Variants in FHOD3 observed in about 807,000 individuals in gnomAD.
FHOD3 encodes FH1/FH2 domain-containing protein 3.
In FHOD3, 90 loss-of-function variants were observed where a neutral mutation model predicts 173.0. The observed-to-expected ratio is 0.52, with a 90% confidence interval of 0.44 to 0.62. FHOD3 has a LOEUF of 0.62. Ranked by LOEUF, FHOD3 falls within the 20% of genes least tolerant of loss-of-function variation. The pLI, the probability that FHOD3 is intolerant of heterozygous loss-of-function variation, is 0.00. For synonymous variants in FHOD3, 828 were observed against 823.0 expected (o/e 1.01, Z -0.10); for missense variants, 1,945 against 2,034.7 (o/e 0.96, Z 0.85).
intron 25 of FHOD3, among the ~76,000 whole-genome samples, chr18:36,758,113 A>G (rs1214929443): frequency 6.6e-6 from 1 of 152,224 alleles, no homozygotes; most frequent in Non-Finnish European, 1.5e-5. Context: ...CCCAGGTTAT[A>G]TAAATAAACT....
intron 5 of FHOD3, among the ~76,000 whole-genome samples, 167 bp from the exon 6 acceptor site, chr18:36,576,284 C>T (rs1196286598): frequency 1.3e-5 from 2 of 152,212 alleles, no homozygotes; most frequent in African/African-American, 2.4e-5. Context: ...GACACTTTCT[C>T]TCTGAAATGA....
chr18:36,698,706 G>A (rs1398557605), intron 17 of FHOD3, among the ~76,000 whole-genome samples: 1 of 152,198 alleles, frequency 6.6e-6, no homozygotes. Context: ...GTAAGCTAAT[G>A]TGCTGCCTTG....
chr18:36,346,062 G>T (rs555895917), intron 1 of FHOD3, among the ~76,000 whole-genome samples: 19 of 152,236 alleles, frequency 1.2e-4, no homozygotes, highest in African/African-American at 4.6e-4. Context: ...GACATAACAC[G>T]TTAAAAACAA....
chr18:36,374,854 A>T (rs1598883941), intron 3 of FHOD3, among the ~76,000 whole-genome samples: 1 of 149,676 alleles, frequency 6.7e-6, no homozygotes, highest in African/African-American at 2.4e-5. Context: ...GTATTTTTTT[A>T]TGTATTGTTT....
chr18:36,379,298 G>C (rs2047617364), intron 3 of FHOD3, among the ~76,000 whole-genome samples: 1 of 152,214 alleles, frequency 6.6e-6, no homozygotes, highest in Admixed American at 6.5e-5. Flanking sequence ...AATGTGAATT[G>C]AATCACAGGA....
intron 19 of FHOD3, among the ~76,000 whole-genome samples, chr18:36,721,926 A>G (rs896176310): frequency 4.6e-5 from 7 of 152,262 alleles, no homozygotes; most frequent in Non-Finnish European, 8.8e-5. Context: ...AAGTAACATT[A>G]GACCAGAGTT....
At chr18:36,590,663 T>C (rs1043345764) in intron 6 of FHOD3, among the ~76,000 whole-genome samples, 4 of 152,060 alleles carry the variant, frequency 2.6e-5, no homozygotes, top group Non-Finnish European at 4.4e-5. Flanking sequence ...AAACCTAAAA[T>C]TATGCATCAG....
At chr18:36,422,992 C>A (rs537757408) in intron 3 of FHOD3, among the ~76,000 whole-genome samples, 9 of 152,180 alleles carry the variant, frequency 5.9e-5, no homozygotes, top group African/African-American at 1.9e-4. Flanking sequence ...CAGAGTGCTC[C>A]TGTTGTCTCC....
intron 3 of FHOD3, among the ~76,000 whole-genome samples, chr18:36,435,040 ATATT>A (rs998450542): frequency 1.3e-5 from 2 of 151,506 alleles, no homozygotes; most frequent in African/African-American, 4.8e-5. Flanking sequence ...TGGTCAATGT[ATATT>A]AATTTATTTG....
intron 18 of FHOD3, among the ~76,000 whole-genome samples, chr18:36,712,964 A>C (rs1361177984): frequency 2.6e-5 from 4 of 152,344 alleles, no homozygotes; most frequent in African/African-American, 9.6e-5. Flanking sequence ...AAGGGGCGCA[A>C]CATTTTGCAA....
intron 4 of FHOD3, among the ~76,000 whole-genome samples, chr18:36,502,960 T>A (rs2146081508): frequency 6.6e-6 from 1 of 152,324 alleles, no homozygotes; most frequent in South Asian, 2.1e-4. Context: ...ATTGGATGAA[T>A]AAAACACAAG....
intron 1 of FHOD3, among the ~76,000 whole-genome samples, chr18:36,320,898 A>G (rs1394750989): frequency 6.6e-6 from 1 of 152,222 alleles, no homozygotes; most frequent in Non-Finnish European, 1.5e-5. Context: ...CCTGAACTTC[A>G]GGGAGCTTAG....
At chr18:36,742,944 TC>T in intron 22 of FHOD3, 88 bp downstream of exon 22, 2 of 1,500,866 alleles carry the variant, frequency 1.3e-6, no homozygotes, top group Non-Finnish European at 1.8e-6. Context: ...TACCTCAGGT[TC>T]CCCAAAGCAC....
chr18:36,628,457 A>G (rs1446065968), intron 10 of FHOD3, among the ~76,000 whole-genome samples: 1 of 152,234 alleles, frequency 6.6e-6, no homozygotes, highest in Non-Finnish European at 1.5e-5. Context: ...AAATTCAAAG[A>G]CTTGGAGAGA....
At position 36,576,578 on chromosome 18, in the gene FHOD3, A is replaced by G. The variant is rs142815598; in HGVS notation, c.606+33A>G. 6.1e-5 allele frequency: 93 copies of G among 1,518,334 alleles called. No individual in the cohort carries two copies. In the East Asian group the frequency reaches 2.0e-3, roughly 33 times the overall value. 94.1% of individuals were successfully genotyped at this position (1,518,334 alleles called of 1,614,324 possible). On this transcript the variant is annotated intron_variant, in intron 6 of 28. Coordinates refer to ENST00000590592, the MANE Select transcript of FHOD3 (RefSeq NM_001281740.3). The stretch of plus-strand genomic sequence containing the variant: ...GAAGTTATGGTTGACTGTTTTGTTC[A>G]CTTGTCATATCACTTGCCTTTCTTT...
rs373436846 is a variant in FHOD3 at position 36,755,262 on chromosome 18, G to A, written c.4376G>A (p.Arg1459Gln). ...RERVLQQKQK[R>Q]ANHRERNKTR... ...AGGGTTTTGCAGCAGAAACAGAAAC[G>A]GGCCAACCACAGAGAGAGAAATAAG... Residue 1459 changes from arginine (R) to glutamine (Q), a missense_variant, in exon 25 of 29, where the codon CGG (arginine) becomes CAG (glutamine). Transcript: ENST00000590592. 9.7e-5 allele frequency: 156 copies of A among 1,610,452 alleles called. No individual in the cohort carries two copies. The highest frequency in any genetic ancestry group is 1.3e-4 in the Non-Finnish European group (149 of 1,178,274).
chr18:36,633,832 CTGTT>C (rs111952038), intron 10 of FHOD3, among the ~76,000 whole-genome samples: 8 of 152,298 alleles, frequency 5.3e-5, no homozygotes, highest in South Asian at 2.1e-4. Flanking sequence ...TTTTTAGTCA[CTGTT>C]TGATTTTGAT....
intron 1 of FHOD3, among the ~76,000 whole-genome samples, chr18:36,316,933 C>A (rs1197968143): frequency 6.8e-6 from 1 of 146,942 alleles, no homozygotes; most frequent in African/African-American, 2.5e-5. Flanking sequence ...TCCATGTGTA[C>A]TCATTGTTCA....
intron 9 of FHOD3, among the ~76,000 whole-genome samples, chr18:36,622,023 G>T (rs1416003520): frequency 2.0e-5 from 3 of 152,184 alleles, no homozygotes; most frequent in Non-Finnish European, 4.4e-5. Context: ...CGGAAATCTT[G>T]ACATTTCCTA....
Sources: gnomAD v4.1 joint callset for allele counts (sites outside exome capture counted in the v4.1 genomes callset) on GRCh38, gnomAD v4.1.1 for gene constraint, MANE v1.5 for transcripts, NCBI Gene and HGNC (gene_info 2026-07-23, HGNC 2026-07-21) for gene names.